Variants in DOCK1 observed in about 807,000 individuals in gnomAD.
The protein encoded by DOCK1 is dedicator of cytokinesis protein 1.
A neutral mutation model predicts 262.7 loss-of-function variants in DOCK1; 138 were observed. The observed-to-expected ratio is 0.53, with a 90% CI of 0.46 to 0.61. The LOEUF (loss-of-function observed/expected upper bound fraction) is 0.61. Among genes scored for constraint, DOCK1 ranks in the 20% least tolerant of loss-of-function variants. The probability of loss-of-function intolerance (pLI) is 0.00; values close to 1 mark genes in which losing one functional copy is unlikely to be tolerated. For synonymous variants in DOCK1, 866 were observed against 867.4 expected, an observed-to-expected ratio of 1.00 and a Z score of 0.03; for missense variants, 1,908 against 2,370.7, an observed-to-expected ratio of 0.80 and a Z score of 4.05.
intron 28 of DOCK1, among the ~76,000 whole-genome samples, chr10:127,251,218 C>T (rs1200405441): frequency 1.3e-5 from 2 of 151,858 alleles, no homozygotes; most frequent in Admixed American, 1.3e-4. Context: ...CCTCCCGCCT[C>T]GGCCTCCCAA....
chr10:126,929,745 A>C lies in DOCK1; in HGVS notation c.46+24182A>C, dbSNP rs1306201093. Among the ~76,000 whole-genome samples, 3 of 152,182 alleles carry C rather than the reference A, an allele frequency of 2.0e-5. No individual in the cohort carries two copies. In the East Asian group the frequency reaches 5.8e-4, roughly 30 times the overall value. On this transcript the variant is annotated intron_variant, in intron 1 of 51. Transcript: ENST00000623213. ...GGGAGGGGCAGGGGAAGCAGGCGGG[A>C]GGGCACTTCAGGGCACAGTTGTTTA...
At chr10:127,077,843 G>C (rs2046661161) in intron 23 of DOCK1, among the ~76,000 whole-genome samples, 1 of 152,102 alleles carries the variant, frequency 6.6e-6, no homozygotes, top group Admixed American at 6.5e-5. Context: ...GAGCAGGTTG[G>C]ACTGCCCTGA....
chr10:127,402,914 G>C (rs1274057887), intron 38 of DOCK1, 141 bp from the exon 39 acceptor site: 3 of 842,466 alleles, frequency 3.6e-6, no homozygotes, highest in Non-Finnish European at 5.6e-6. Context: ...GAAAATATTT[G>C]TATTTTTTCG....
rs561363135 is a variant in DOCK1 at position 127,290,830 on chromosome 10, G to A, written c.3044+33401G>A. On this transcript the variant is annotated intron_variant, in intron 29 of 51. Transcript: ENST00000623213. ...GCATAATTATTTTCAACCATACAAG[G>A]CCATTTGGGTTGTTTCTAGTTTTGG... Among the ~76,000 whole-genome samples the A allele has an allele frequency of 5.3e-5, 8 of 152,228 alleles. No individual in the cohort carries two copies. The South Asian group carries it at 1.7e-3, about 32-fold the overall frequency.
intron 38 of DOCK1, among the ~76,000 whole-genome samples, chr10:127,387,468 A>T (rs2066192767): frequency 6.6e-6 from 1 of 152,156 alleles, no homozygotes; most frequent in Non-Finnish European, 1.5e-5. Context: ...GGACTCAAGG[A>T]ATGTCTCCCT....
At chr10:127,436,633 C>T (rs200768416) in intron 48 of DOCK1, among the ~76,000 whole-genome samples, 2 of 63,874 alleles carry the variant, frequency 3.1e-5, no homozygotes, top group South Asian at 5.3e-4. Context: ...CTTTTTTTTT[C>T]AATCTGTATC....
chr10:126,950,604 C>G (rs1193509751), intron 1 of DOCK1, among the ~76,000 whole-genome samples: 1 of 152,070 alleles, frequency 6.6e-6, no homozygotes, highest in African/African-American at 2.4e-5. Flanking sequence ...GTGGACGCAG[C>G]AGTACAGTTA....
intron 27 of DOCK1, among the ~76,000 whole-genome samples, chr10:127,207,122 A>C (rs558700660): frequency 6.6e-6 from 1 of 152,354 alleles, no homozygotes; most frequent in Non-Finnish European, 1.5e-5. Flanking sequence ...AAAGAAAAAT[A>C]CAGCCTTCCC....
At chr10:127,239,621 A>C (rs984540529) in intron 27 of DOCK1, among the ~76,000 whole-genome samples, 4 of 152,146 alleles carry the variant, frequency 2.6e-5, no homozygotes, top group Non-Finnish European at 5.9e-5. Context: ...CAGTTTAAAA[A>C]CACGTATAGA....
chr10:127,445,937 C>G (rs1591093495), intron 50 of DOCK1, among the ~76,000 whole-genome samples: 1 of 152,272 alleles, frequency 6.6e-6, no homozygotes, highest in African/African-American at 2.4e-5. Context: ...TATGACTCCA[C>G]CTAAATCAAA....
At chr10:127,196,625 C>CGCGGG (rs2057179400) in intron 27 of DOCK1, among the ~76,000 whole-genome samples, 1 of 115,226 alleles carries the variant, frequency 8.7e-6, no homozygotes, top group African/African-American at 3.3e-5. Context: ...GCGGGGGCGG[C>CGCGGG]GCGGGGCCGG....
At chr10:127,074,230 G>A (rs2135949847) in intron 23 of DOCK1, among the ~76,000 whole-genome samples, 1 of 152,258 alleles carries the variant, frequency 6.6e-6, no homozygotes, top group Admixed American at 6.5e-5. Context: ...GATTTCTCAA[G>A]CACCCAAATA....
chr10:126,913,364 G>C (rs1474803791), intron 1 of DOCK1, among the ~76,000 whole-genome samples: 1 of 152,146 alleles, frequency 6.6e-6, no homozygotes, highest in Non-Finnish European at 1.5e-5. Context: ...GGACAGTGAT[G>C]GCAAAACCCG....
rs530944515 is a variant in DOCK1, at chr10:127,324,961, C to T, written c.3045-14045C>T. 1.2e-4 allele frequency among the ~76,000 whole-genome samples: 19 copies of T among 152,276 alleles called. 1 individual carries two copies. In the South Asian group the frequency reaches 3.7e-3, roughly 30 times the overall value. On this transcript the variant is annotated intron_variant, in intron 29 of 51. Coordinates refer to ENST00000623213, the MANE Select transcript of DOCK1 (RefSeq NM_001290223.2). Reference sequence around the variant, plus strand: ...GACCCACAGCTTCTTGCCACTAGAACACAGGGTCCAGCGTTGGGCACTGTC... The same window carrying T: ...GACCCACAGCTTCTTGCCACTAGAATACAGGGTCCAGCGTTGGGCACTGTC...
chr10:127,209,418 C>T (rs1448119320), intron 27 of DOCK1, among the ~76,000 whole-genome samples: 1 of 152,118 alleles, frequency 6.6e-6, no homozygotes, highest in Admixed American at 6.5e-5. Flanking sequence ...CAGAAGTAGC[C>T]GCCTGGAGAG....
chr10:127,021,810 G>A (rs2042444028), intron 13 of DOCK1, among the ~76,000 whole-genome samples: 1 of 151,876 alleles, frequency 6.6e-6, no homozygotes, highest in African/African-American at 2.4e-5. Context: ...TACATTAAAA[G>A]CCAAAATAGA....
At chr10:127,337,495 A>G (rs2063252475) in intron 29 of DOCK1, among the ~76,000 whole-genome samples, 2 of 152,010 alleles carry the variant, frequency 1.3e-5, no homozygotes, top group South Asian at 4.1e-4. Context: ...TTTTCTAATC[A>G]ATTACAGAAT....
chr10:127,252,399 C>T (rs2059683514), intron 28 of DOCK1, among the ~76,000 whole-genome samples: 1 of 149,070 alleles, frequency 6.7e-6, no homozygotes, highest in African/African-American at 2.4e-5. Flanking sequence ...AATTAGATCC[C>T]ATTTGTCAAT....
intron 4 of DOCK1, among the ~76,000 whole-genome samples, chr10:126,982,604 T>C (rs2039066519): frequency 6.6e-6 from 1 of 152,238 alleles, no homozygotes; most frequent in South Asian, 2.1e-4. Context: ...ATGTAAATTA[T>C]AAAATTACTA....
Sources: allele counts gnomAD v4.1 joint callset (sites outside exome capture counted in the v4.1 genomes callset), GRCh38; gene constraint gnomAD v4.1.1; transcripts MANE v1.5; gene names NCBI Gene and HGNC (gene_info 2026-07-23, HGNC 2026-07-21).